PTPRK: variants seen among roughly 807,000 people sequenced by gnomAD.
The protein encoded by PTPRK is protein tyrosine phosphatase receptor type K.
In PTPRK, 75 loss-of-function variants were observed where a neutral mutation model predicts 178.0. The ratio of observed to expected loss-of-function variants is 0.42; its 90% CI spans 0.35 to 0.51. The LOEUF is 0.51. Among genes scored for constraint, PTPRK ranks in the 20% least tolerant of loss-of-function variants. PTPRK has a pLI of 0.02. For missense variants in PTPRK, 1,441 were observed against 1,797.8 expected (o/e 0.80, Z 3.59); for synonymous variants, 637 against 620.6 (o/e 1.03, Z -0.39).
intron 13 of PTPRK, among the ~76,000 whole-genome samples, chr6:128,014,055 A>G (rs2114735065): frequency 6.6e-6 from 1 of 151,698 alleles, no homozygotes; most frequent in South Asian, 2.1e-4. Flanking sequence ...CAGAACAGAA[A>G]ATATTAGTTG....
Position 128,005,204 on chromosome 6 carries a change from G to T in PTPRK, c.2374C>A (p.Arg792=), listed in dbSNP as rs1404970228. 6.2e-7 allele frequency: 1 copy of T among 1,611,074 alleles called. No individual in the cohort carries two copies. The highest frequency in any genetic ancestry group is 1.1e-5 in the South Asian group (1 of 90,924). The stretch of plus-strand genomic sequence containing the variant: ...TTCACCATGTGAGTCATCTCCTGCC[G>T]GGTATTCCCCATGGCATCTTTGCGT... The part of the protein sequence containing the change: ...KKRKDAMGNT[R]QEMTHMVNAM... Residue 792 remains arginine (R), a synonymous_variant, in exon 15 of 30, where the codon CGG becomes AGG. Transcript: ENST00000368226.
chr6:128,434,640 T>TA (rs951506082), intron 1 of PTPRK, among the ~76,000 whole-genome samples: 17 of 152,032 alleles, frequency 1.1e-4, no homozygotes, highest in African/African-American at 3.9e-4. Context: ...TATAATTAGT[T>TA]AAAAAAAACT....
At chr6:128,477,044 C>T (rs956615112) in intron 1 of PTPRK, among the ~76,000 whole-genome samples, 2 of 151,960 alleles carry the variant, frequency 1.3e-5, no homozygotes, top group Non-Finnish European at 2.9e-5. Flanking sequence ...ATGAAGAAGT[C>T]AGAGCAATCA....
chr6:128,309,187 T>G (rs1180887743), intron 3 of PTPRK, among the ~76,000 whole-genome samples: 1 of 152,152 alleles, frequency 6.6e-6, no homozygotes, highest in African/African-American at 2.4e-5. Context: ...GAGCATTCAC[T>G]AGACCTTTTT....
chr6:128,271,453 T>C (rs1380540785), intron 3 of PTPRK, among the ~76,000 whole-genome samples: 2 of 152,144 alleles, frequency 1.3e-5, no homozygotes, highest in African/African-American at 4.8e-5. Flanking sequence ...CCCTATCCTG[T>C]TATCAGCTTT....
In PTPRK at chr6:128,266,853, C is replaced by A. The variant is rs529397649; in HGVS notation, c.496-24251G>T. On this transcript the variant is annotated intron_variant, in intron 3 of 29. Coordinates refer to ENST00000368226, the MANE Select transcript of PTPRK (RefSeq NM_002844.4). ...CGGGGCTTGTGCATGGAAGTGAAGACCAAAACTGAAGTGGGATGTGAAGGA... is the reference window on the plus strand; with the variant it reads ...CGGGGCTTGTGCATGGAAGTGAAGAACAAAACTGAAGTGGGATGTGAAGGA... Among the ~76,000 whole-genome samples, 12 of 152,076 alleles carry A rather than the reference C, an allele frequency of 7.9e-5. No individual in the cohort carries two copies. In the East Asian group the frequency reaches 2.1e-3, roughly 27 times the overall value.
At chr6:128,024,382 C>T (rs550523631) in intron 13 of PTPRK, among the ~76,000 whole-genome samples, 1 of 152,254 alleles carries the variant, frequency 6.6e-6, no homozygotes, top group Non-Finnish European at 1.5e-5. Context: ...TGAATCAATT[C>T]TCTTATTTAC....
intron 13 of PTPRK, among the ~76,000 whole-genome samples, chr6:128,060,281 A>G (rs1195638912): frequency 6.6e-6 from 1 of 152,154 alleles, no homozygotes; most frequent in Admixed American, 6.6e-5. Context: ...ATTCAGAGCT[A>G]TTATTTCTAC....
At chr6:128,002,618 G>A (rs1777963837) in intron 15 of PTPRK, among the ~76,000 whole-genome samples, 1 of 151,904 alleles carries the variant, frequency 6.6e-6, no homozygotes, top group East Asian at 1.9e-4. Context: ...GGTAACCCAA[G>A]TAGCTTGTTC....
intron 7 of PTPRK, among the ~76,000 whole-genome samples, chr6:128,099,753 A>C (rs1271928805): frequency 6.6e-6 from 1 of 152,024 alleles, no homozygotes; most frequent in East Asian, 1.9e-4. Context: ...GTTGATGATT[A>C]TTTGTCCATT....
chr6:128,033,443 T>C (rs1775683335), intron 13 of PTPRK, among the ~76,000 whole-genome samples: 1 of 152,266 alleles, frequency 6.6e-6, no homozygotes, highest in Non-Finnish European at 1.5e-5. Context: ...GCCAGATTTC[T>C]GAGGATTTTA....
chr6:128,520,484 C>G lies in PTPRK; in HGVS notation c.-126G>C. On this transcript the variant is annotated 5_prime_UTR_variant, in exon 1 of 30. Transcript: ENST00000368226. ...GACGGTGAGAGGACAGCCGCCCGCC[C>G]GCCCTTTTTCCTTCTTCGCGGTCGC... 2.4e-6 allele frequency: 2 copies of G among 846,978 alleles called. No individual in the cohort carries two copies. The highest frequency in any genetic ancestry group is 1.9e-6 in the Non-Finnish European group (1 of 536,746). 52.5% of individuals were successfully genotyped at this position (846,978 alleles called of 1,614,324 possible). A position where few individuals can be genotyped will look rare whatever the true frequency, so the allele number is the denominator to read the frequency against.
intron 7 of PTPRK, among the ~76,000 whole-genome samples, chr6:128,102,657 T>C (rs555455890): frequency 5.8e-4 from 88 of 152,260 alleles, no homozygotes; most frequent in African/African-American, 2.0e-3. Context: ...GGAAGGAAAA[T>C]ACTTTTGAAT....
chr6:128,106,655 C>T (rs1789771070), intron 7 of PTPRK, among the ~76,000 whole-genome samples: 1 of 152,134 alleles, frequency 6.6e-6, no homozygotes, highest in East Asian at 1.9e-4. Context: ...CATTTTCATA[C>T]ATGAATGCAA....
chr6:128,075,992 T>C (rs539497577), intron 11 of PTPRK, among the ~76,000 whole-genome samples: 2 of 152,058 alleles, frequency 1.3e-5, no homozygotes, highest in South Asian at 4.2e-4. Context: ...GGATAATATG[T>C]AGTTCTGGTT....
At chr6:128,353,705 G>A (rs907401903) in intron 2 of PTPRK, among the ~76,000 whole-genome samples, 6 of 152,118 alleles carry the variant, frequency 3.9e-5, no homozygotes, top group Non-Finnish European at 7.3e-5. Context: ...ATGATGAGTG[G>A]TTCTGAAGGA....
chr6:128,362,768 G>T (rs1834949635), intron 2 of PTPRK, among the ~76,000 whole-genome samples: 1 of 152,042 alleles, frequency 6.6e-6, no homozygotes, highest in Non-Finnish European at 1.5e-5. Flanking sequence ...ATTGGTGAAT[G>T]GAGGCATAGA....
At chr6:128,375,341 G>A (rs1261803571) in intron 2 of PTPRK, among the ~76,000 whole-genome samples, 2 of 151,816 alleles carry the variant, frequency 1.3e-5, no homozygotes, top group Middle Eastern at 3.4e-3. Flanking sequence ...AGGCAAGGAG[G>A]AGCAAGTTAT....
intron 1 of PTPRK, among the ~76,000 whole-genome samples, chr6:128,461,590 G>T (rs1340387587): frequency 6.6e-6 from 1 of 152,062 alleles, no homozygotes; most frequent in Non-Finnish European, 1.5e-5. Context: ...AGGTAAATTT[G>T]TTTTAACTGC....
Sources: gnomAD v4.1 joint callset for allele counts (sites outside exome capture counted in the v4.1 genomes callset) on GRCh38, gnomAD v4.1.1 for gene constraint, MANE v1.5 for transcripts, NCBI Gene and HGNC (gene_info 2026-07-23, HGNC 2026-07-21) for gene names.